The following ZNF608 variants were observed in gnomAD, a reference collection of about 807,000 sequenced individuals.
ZNF608 encodes zinc finger protein 608.
In ZNF608, 12 loss-of-function variants were observed where a neutral mutation model predicts 109.0. The observed-to-expected ratio is 0.11, with a 90% confidence interval of 0.07 to 0.18. ZNF608 has a LOEUF of 0.18. Among genes scored for constraint, ZNF608 ranks in the 10% least tolerant of loss-of-function variants. ZNF608 has a pLI of 1.00. For missense variants in ZNF608, 1,707 were observed against 1,879.3 expected (o/e 0.91, Z 1.70); for synonymous variants, 732 against 717.4 (o/e 1.02, Z -0.33).
intron 2 of ZNF608, among the ~76,000 whole-genome samples, chr5:124,702,775 G>A (rs976812889): frequency 1.3e-5 from 2 of 152,102 alleles, no homozygotes; most frequent in African/African-American, 4.8e-5. Flanking sequence ...AACTTCTTTT[G>A]CTCCACGCTT....
chr5:124,747,172 T>C (rs981527964), upstream of ZNF608, among the ~76,000 whole-genome samples: 1 of 151,576 alleles, frequency 6.6e-6, no homozygotes. Flanking sequence ...TGTTTTCTTT[T>C]TTTTTTTTTT....
At chr5:124,721,299 T>G (rs1191414515) in intron 2 of ZNF608, among the ~76,000 whole-genome samples, 1 of 152,158 alleles carries the variant, frequency 6.6e-6, no homozygotes, top group Non-Finnish European at 1.5e-5. Flanking sequence ...GGAGACAGTT[T>G]TAAGGCTCTT....
At chr5:124,730,325 A>G (rs566630391) in intron 2 of ZNF608, among the ~76,000 whole-genome samples, 3 of 152,352 alleles carry the variant, frequency 2.0e-5, no homozygotes, top group African/African-American at 7.2e-5. Flanking sequence ...AAAATTTAAC[A>G]TGTTTAAGAC....
intron 3 of ZNF608, among the ~76,000 whole-genome samples, chr5:124,654,828 CAG>C (rs1395462745): frequency 1.3e-5 from 2 of 152,322 alleles, no homozygotes; most frequent in South Asian, 2.1e-4. Flanking sequence ...ATAAAGGTGG[CAG>C]AGTCTCCTTC....
chr5:124,728,359 G>C (rs1748715786), intron 2 of ZNF608, among the ~76,000 whole-genome samples: 1 of 152,184 alleles, frequency 6.6e-6, no homozygotes, highest in South Asian at 2.1e-4. Flanking sequence ...ATTTTCAGGA[G>C]GAATTTAGCC....
rs112185240 is a variant in ZNF608, at chr5:124,644,203, C to T, written c.4123+41G>A. 4.0e-4 allele frequency: 605 copies of T among 1,500,508 alleles called. 2 individuals are homozygous for T. Among genetic ancestry groups the T allele is most frequent in the African/African-American group, 6.1e-4 (44 of 72,068 alleles). The allele number at this position is 1,500,508 out of a possible 1,614,324, so 92.9% of individuals were successfully genotyped here. ...TTTTTAACAGCTAATATTTGAACATCGCCTCTTTCCTCCAATATAGTCAGA... is the reference window on the plus strand; with the variant it reads ...TTTTTAACAGCTAATATTTGAACATTGCCTCTTTCCTCCAATATAGTCAGA... On this transcript the variant is annotated intron_variant, in intron 6 of 9. Transcript: ENST00000513986.
At chr5:124,732,035 A>T (rs184059808) in intron 2 of ZNF608, among the ~76,000 whole-genome samples, 4 of 152,226 alleles carry the variant, frequency 2.6e-5, no homozygotes, top group African/African-American at 9.6e-5. Context: ...CCTCTTGTTC[A>T]CCGCCCCTCA....
chr5:124,665,240 G>A (rs1031989846), intron 3 of ZNF608, among the ~76,000 whole-genome samples: 3 of 151,642 alleles, frequency 2.0e-5, no homozygotes, highest in African/African-American at 7.3e-5. Flanking sequence ...AACTGACCAC[G>A]GTGGTGATAT....
chr5:124,723,224 G>T (rs947417486), intron 2 of ZNF608, among the ~76,000 whole-genome samples: 28 of 152,040 alleles, frequency 1.8e-4, no homozygotes, highest in African/African-American at 6.8e-4. Context: ...GGCCAGGCTG[G>T]TTTTGCATTC....
rs149745808 is a variant in ZNF608, at chr5:124,647,780, C to T, written c.2604G>A (p.Leu868=). The change falls in exon 5 of 10, where the codon CTG becomes CTA. Residue 868 remains leucine (L), a synonymous_variant. Coordinates refer to ENST00000513986, the MANE Select transcript of ZNF608 (RefSeq NM_020747.3). The part of the protein sequence containing the change: ...LNKNEGLANG[L]SESQESRMAS... ...CCATGCGGCTCTCCTGAGACTCCGA[C>T]AGTCCATTTGCCAGCCCTTCATTCT... 1.4e-4 allele frequency: 219 copies of T among 1,614,140 alleles called. No individual in the cohort carries two copies. The highest frequency in any genetic ancestry group is 1.8e-4 in the Non-Finnish European group (213 of 1,179,970).
intron 2 of ZNF608, among the ~76,000 whole-genome samples, chr5:124,733,648 T>G (rs1474413530): frequency 6.6e-6 from 1 of 152,144 alleles, no homozygotes; most frequent in African/African-American, 2.4e-5. Flanking sequence ...AGCATTTCAC[T>G]ACAGGGCCAC....
intron 3 of ZNF608, among the ~76,000 whole-genome samples, chr5:124,660,829 A>G (rs1443441155): frequency 6.6e-6 from 1 of 152,224 alleles, no homozygotes; most frequent in African/African-American, 2.4e-5. Context: ...CCAGGTCATA[A>G]GCTGAAGAAT....
At chr5:124,646,129 A>G (rs1192907030) in intron 5 of ZNF608, among the ~76,000 whole-genome samples, 1 of 152,116 alleles carries the variant, frequency 6.6e-6, no homozygotes, top group African/African-American at 2.4e-5. Flanking sequence ...TTGGGAGGCC[A>G]GGGTGGGCGG....
chr5:124,700,774 T>C (rs897777514), intron 3 of ZNF608, among the ~76,000 whole-genome samples: 4 of 152,226 alleles, frequency 2.6e-5, no homozygotes, highest in East Asian at 3.8e-4. Context: ...AGTCCTTCCA[T>C]GTTAGCACTT....
intron 3 of ZNF608, among the ~76,000 whole-genome samples, chr5:124,679,419 TCCTC>T (rs35274335): frequency 2.7e-5 from 4 of 146,390 alleles, no homozygotes; most frequent in Admixed American, 1.4e-4. Flanking sequence ...TTCCTTCTTT[TCCTC>T]CCTCCCTCCC....
chr5:124,686,433 A>G (rs1752414643), intron 3 of ZNF608, among the ~76,000 whole-genome samples: 1 of 152,212 alleles, frequency 6.6e-6, no homozygotes, highest in Non-Finnish European at 1.5e-5. Flanking sequence ...TGACTCTCAC[A>G]CACTTGCTTA....
intron 3 of ZNF608, among the ~76,000 whole-genome samples, chr5:124,685,332 C>T (rs1477583727): frequency 1.3e-5 from 2 of 152,094 alleles, no homozygotes; most frequent in African/African-American, 4.8e-5. Flanking sequence ...ATGAAATAAA[C>T]GGGGGAATGA....
intron 3 of ZNF608, among the ~76,000 whole-genome samples, chr5:124,688,109 T>C (rs1752473678): frequency 6.6e-6 from 1 of 152,176 alleles, no homozygotes; most frequent in African/African-American, 2.4e-5. Flanking sequence ...ATCAGATTCC[T>C]TCCAGTTCAG....
intron 2 of ZNF608, among the ~76,000 whole-genome samples, chr5:124,722,576 TACACACACACAC>T (rs10556672): frequency 0.083 from 12,052 of 144,870 alleles, 673 homozygotes; most frequent in East Asian, 0.16. Context: ...ACCCTTAAAA[TACACACACACAC>T]ACACACACAC....
Sources: gnomAD v4.1 joint callset for allele counts (sites outside exome capture counted in the v4.1 genomes callset) on GRCh38, gnomAD v4.1.1 for gene constraint, MANE v1.5 for transcripts, NCBI Gene and HGNC (gene_info 2026-07-23, HGNC 2026-07-21) for gene names.